TMCO6: variants seen among roughly 807,000 people sequenced by gnomAD.
TMCO6 encodes transmembrane and coiled-coil domains 6.
TMCO6 carries 47 observed loss-of-function variants against 61.8 expected under a neutral mutation model. The observed-to-expected ratio is 0.76, with a 90% CI of 0.60 to 0.97. The LOEUF is 0.97. Among genes scored for constraint, TMCO6 ranks in the 50% least tolerant of loss-of-function variants. TMCO6 has a pLI of 0.00. For synonymous variants in TMCO6, 261 were observed against 254.2 expected (o/e 1.03, Z -0.25); for missense variants, 557 against 601.6 (o/e 0.93, Z 0.78).
downstream of TMCO6, chr5:140,645,707 C>A: frequency 1.2e-6 from 2 of 1,614,172 alleles, no homozygotes; most frequent in South Asian, 2.2e-5. Flanking sequence ...GTGTCTTTAA[C>A]TATTCTGCAC....
At chr5:140,644,816 A>G in intron 11 of TMCO6, 76 bp downstream of exon 11, 1 of 1,578,592 alleles carries the variant, frequency 6.3e-7, no homozygotes. Flanking sequence ...ATCCAGTCCT[A>G]ACTATAGTTG....
At chr5:140,612,940 G>A in the TMCO6 span, among the ~76,000 whole-genome samples, 1 of 152,278 alleles carries the variant, frequency 6.6e-6, no homozygotes, top group Non-Finnish European at 1.5e-5. Context: ...CATGTACCAG[G>A]CACTGCTTCA....
chr5:140,612,484 C>T, the TMCO6 span, among the ~76,000 whole-genome samples: 587 of 151,940 alleles, frequency 3.9e-3, 3 homozygotes, highest in African/African-American at 0.013. Flanking sequence ...GGACTATAGG[C>T]GCCCGCCACG....
intron 7 of TMCO6, 146 bp from the exon 8 acceptor site, chr5:140,643,418 A>G: frequency 1.3e-6 from 1 of 774,808 alleles, no homozygotes; most frequent in Non-Finnish European, 2.2e-6. Context: ...GCTGGTCTCA[A>G]ACTCCTGACC....
chr5:140,629,643 A>G, the TMCO6 span, among the ~76,000 whole-genome samples: 1 of 152,316 alleles, frequency 6.6e-6, no homozygotes, highest in East Asian at 1.9e-4. Context: ...GATAAAGGAT[A>G]GTCAACCTGG....
chr5:140,605,748 A>C, the TMCO6 span, among the ~76,000 whole-genome samples: 228 of 150,198 alleles, frequency 1.5e-3, no homozygotes, highest in African/African-American at 5.4e-3. Context: ...CAAAGAAAGA[A>C]GATGTTTCCT....
At chr5:140,606,821 C>T in the TMCO6 span, among the ~76,000 whole-genome samples, 7 of 152,144 alleles carry the variant, frequency 4.6e-5, no homozygotes, top group South Asian at 2.1e-4. Flanking sequence ...CCCAGCTACT[C>T]GGGAGGCTGA....
At chr5:140,624,951 A>T in the TMCO6 span, among the ~76,000 whole-genome samples, 1 of 149,250 alleles carries the variant, frequency 6.7e-6, no homozygotes, top group East Asian at 2.0e-4. Context: ...CCTCCCAGGT[A>T]CAAGTGATTC....
the TMCO6 span, chr5:140,632,746 G>A: frequency 6.2e-7 from 1 of 1,613,444 alleles, no homozygotes; most frequent in Non-Finnish European, 8.5e-7. The surrounding 1 kb of genome is among the most constrained non-coding windows in gnomAD (Gnocchi z 6.2). Flanking sequence ...GCATACTGCC[G>A]CGGGTCGGCG....
chr5:140,626,827 C>T, the TMCO6 span, among the ~76,000 whole-genome samples: 1 of 152,180 alleles, frequency 6.6e-6, no homozygotes, highest in Non-Finnish European at 1.5e-5. Context: ...GCTAGGATTA[C>T]AGGCATGAGC....
At position 140,639,518 on chromosome 5, in the gene TMCO6, C is replaced by T; in HGVS notation, c.-10C>T. 5 of 1,549,766 alleles carry T rather than the reference C, an allele frequency of 3.2e-6. No individual in the cohort carries two copies. The highest frequency in any genetic ancestry group is 4.4e-6 in the Non-Finnish European group (5 of 1,146,606). On this transcript the variant is annotated 5_prime_UTR_variant, in exon 1 of 12. Transcript: ENST00000394671. ...GCTGTTTCCTTCGGCTTTCCTCCTC[C>T]TGCTCCACCATGTGGAGCCGACGGC... is the stretch of plus-strand genomic sequence containing the variant.
chr5:140,645,778 G>A, downstream of TMCO6: 1 of 1,557,128 alleles, frequency 6.4e-7, no homozygotes, highest in Non-Finnish European at 8.8e-7. Context: ...TGTTAAGACA[G>A]GAAGAGTATT....
At chr5:140,614,586 T>G in the TMCO6 span, among the ~76,000 whole-genome samples, 392 of 151,944 alleles carry the variant, frequency 2.6e-3, no homozygotes, top group African/African-American at 9.1e-3. Flanking sequence ...TCTAAGGTCA[T>G]GAACAAGGGA....
At chr5:140,646,736 C>G (rs148002819), downstream of TMCO6, among the ~76,000 whole-genome samples, 494 of 152,306 alleles carry the variant, frequency 3.2e-3, no homozygotes, top group Non-Finnish European at 5.4e-3. Context: ...CTGTTAAACT[C>G]TAGCTGCATC....
chr5:140,636,916 A>C (rs1756783604), upstream of TMCO6, among the ~76,000 whole-genome samples: 1 of 152,182 alleles, frequency 6.6e-6, no homozygotes, highest in South Asian at 2.1e-4. Context: ...CGGGACCCTA[A>C]TCTTCTGGAG....
the TMCO6 span, among the ~76,000 whole-genome samples, chr5:140,613,259 T>G: frequency 6.6e-6 from 1 of 151,736 alleles, no homozygotes. Flanking sequence ...TGTGGTGGCA[T>G]GCACCTGTAG....
At chr5:140,640,319 A>G (rs1178826528) in intron 2 of TMCO6, among the ~76,000 whole-genome samples, 2 of 151,740 alleles carry the variant, frequency 1.3e-5, no homozygotes, top group Admixed American at 1.3e-4. Flanking sequence ...GCAACGATAT[A>G]TCGGATTTGT....
At chr5:140,605,464 GAGGTC>G in the TMCO6 span, among the ~76,000 whole-genome samples, 1 of 152,056 alleles carries the variant, frequency 6.6e-6, no homozygotes, top group Non-Finnish European at 1.5e-5. Context: ...TGCATCACCT[GAGGTC>G]AGGAGTTCGA....
chr5:140,614,201 C>T, the TMCO6 span, among the ~76,000 whole-genome samples: 2 of 151,632 alleles, frequency 1.3e-5, no homozygotes, highest in African/African-American at 4.8e-5. Flanking sequence ...GCCCGGCCAT[C>T]TCTCATCTTA....
Sources: gnomAD v4.1 joint callset for allele counts (sites outside exome capture counted in the v4.1 genomes callset) on GRCh38, gnomAD v4.1.1 for gene constraint, Gnocchi (gnomAD v3.1) non-coding constraint, MANE v1.5 for transcripts, NCBI Gene and HGNC (gene_info 2026-07-23, HGNC 2026-07-21) for gene names.